TEAD4: variants seen among roughly 807,000 people sequenced by gnomAD.
TEAD4 encodes transcriptional enhancer factor TEF-3.
Under a neutral mutation model 52.4 loss-of-function variants are expected in TEAD4, and 36 were observed. The observed-to-expected ratio is 0.69, with a 90% CI of 0.53 to 0.91. The LOEUF (loss-of-function observed/expected upper bound fraction) is 0.91. Among genes scored for constraint, TEAD4 ranks in the 40% least tolerant of loss-of-function variants. The pLI is 0.00. For missense variants in TEAD4, 508 were observed against 583.9 expected, an observed-to-expected ratio of 0.87 and a Z score of 1.34; for synonymous variants, 220 against 231.0, an observed-to-expected ratio of 0.95 and a Z score of 0.43.
chr12:2,974,023 T>G (rs1162688483), intron 2 of TEAD4, among the ~76,000 whole-genome samples: 2 of 152,168 alleles, frequency 1.3e-5, no homozygotes, highest in Admixed American at 6.5e-5. Flanking sequence ...TTTTCTTTTT[T>G]CTGAGACGGA....
chr12:3,039,734 C>T (rs2098281525), intron 11 of TEAD4, among the ~76,000 whole-genome samples: 1 of 152,222 alleles, frequency 6.6e-6, no homozygotes, highest in African/African-American at 2.4e-5. Flanking sequence ...GTCGCCCAGG[C>T]TGGAATGCAG....
In TEAD4 at chr12:3,021,422, C is replaced by T. The variant is rs569191568; in HGVS notation, c.724-422C>T. Among the ~76,000 whole-genome samples the T allele has an allele frequency of 3.9e-5, 6 of 152,036 alleles. No individual in the cohort carries two copies. The South Asian group carries it at 1.0e-3, about 26-fold the overall frequency. ...ACTTCCTGAGTTCAAGCGACTCTCC[C>T]GCCTTAGCCTCCGGAGTAGCTGGGA... On this transcript the variant is annotated intron_variant, in intron 9 of 12. Coordinates refer to ENST00000359864, the MANE Select transcript of TEAD4 (RefSeq NM_003213.4).
In TEAD4 at chr12:2,970,851, A is replaced by G. The variant is rs544995349; in HGVS notation, c.-30+10811A>G. On this transcript the variant is annotated intron_variant, in intron 2 of 12. Coordinates refer to ENST00000359864, the MANE Select transcript of TEAD4 (RefSeq NM_003213.4). ...CATCCTCGGAAATGCTCCGTCGTAA[A>G]TTGCATGACCTCATGTTGGAATGAG... 1.6e-3 allele frequency among the ~76,000 whole-genome samples: 246 copies of G among 152,330 alleles called. 1 individual carries two copies. Among genetic ancestry groups the G allele is most frequent in the African/African-American group, 5.7e-3 (235 of 41,570 alleles).
At chr12:2,996,179 C>T (rs1031300735) in intron 3 of TEAD4, among the ~76,000 whole-genome samples, 13 of 152,058 alleles carry the variant, frequency 8.5e-5, no homozygotes, top group African/African-American at 2.4e-4. Flanking sequence ...TCAGTGACAA[C>T]GGGGCCCCTG....
chr12:2,994,907 T>G lies in TEAD4; in HGVS notation c.141T>G (p.Ile47Met). 2 of 1,614,130 alleles carry G rather than the reference T, an allele frequency of 1.2e-6. No homozygotes were observed. Among genetic ancestry groups the G allele is most frequent in the South Asian group, 2.2e-5 (2 of 91,072 alleles). Residue 47 changes from isoleucine to methionine, a missense_variant, in exon 3 of 13, where the codon ATT becomes ATG. Physicochemically the swap from Ile to Met is conservative, Grantham distance 10. Coordinates refer to ENST00000359864, the MANE Select transcript of TEAD4 (RefSeq NM_003213.4). The surrounding 1 kb of genome is among the most constrained non-coding windows in gnomAD (Gnocchi z 4.7). The stretch of plus-strand genomic sequence containing the variant: ...CAGAGGGCGTGTGGAGCCCGGATAT[T>G]GAGCAGAGTTTCCAGGAGGCCCTCG...
intron 10 of TEAD4, among the ~76,000 whole-genome samples, chr12:3,035,844 AG>A (rs2098279095): frequency 2.7e-5 from 4 of 150,834 alleles, no homozygotes; most frequent in Admixed American, 6.6e-5. Flanking sequence ...AAAAAGAAGA[AG>A]AAGAAGAAAA....
rs1160457589 is a variant in TEAD4, at chr12:3,020,530, C to T, written c.584-104C>T. The T allele has an allele frequency of 7.4e-6, 10 of 1,349,968 alleles. No individual in the cohort carries two copies. The Admixed American group carries it at 2.6e-4, about 35-fold the overall frequency. The allele number at this position is 1,349,968 out of a possible 1,614,324, so 83.6% of individuals were successfully genotyped here. A position where few individuals can be genotyped will look rare whatever the true frequency, so the allele number is the denominator to read the frequency against. ...CATTTAGGGAGACAGGCGGTCCCCC[C>T]AGGCAGCACGGGTCTGTCCGAGGAG... is the stretch of plus-strand genomic sequence containing the variant. On this transcript the variant is annotated intron_variant, in intron 8 of 12. Coordinates refer to ENST00000359864, the MANE Select transcript of TEAD4 (RefSeq NM_003213.4).
chr12:3,034,505 A>G (rs557532140), intron 10 of TEAD4, among the ~76,000 whole-genome samples: 1 of 152,218 alleles, frequency 6.6e-6, no homozygotes, highest in East Asian at 1.9e-4. Flanking sequence ...GGGATCTGCC[A>G]ATTGCTCCTG....
At chr12:3,036,592 G>A (rs1448687061) in intron 10 of TEAD4, among the ~76,000 whole-genome samples, 3 of 152,198 alleles carry the variant, frequency 2.0e-5, no homozygotes, top group African/African-American at 7.2e-5. Context: ...TACTGCATTC[G>A]TAGGGCTGCG....
intron 10 of TEAD4, among the ~76,000 whole-genome samples, chr12:3,027,049 G>A (rs2098272524): frequency 1.3e-5 from 2 of 152,136 alleles, no homozygotes; most frequent in South Asian, 4.1e-4. Context: ...TTGGAGTGCA[G>A]TGGTGTGATC....
In TEAD4 at chr12:2,995,055, C is replaced by T. The variant is rs865854528; in HGVS notation, c.226+63C>T. The T allele has an allele frequency of 9.0e-6, 14 of 1,555,628 alleles. No homozygotes were observed. In the Middle Eastern group the frequency reaches 1.2e-3, roughly 135 times the overall value. ...TGAGGCAAGGGGCCGACACCAGAAC[C>T]TTGGGGTTCCTGCCGGGCCACAGAA... On this transcript the variant is annotated intron_variant, in intron 3 of 12. Transcript: ENST00000359864.
Position 3,019,880 on chromosome 12 carries a change from C to T in TEAD4, c.583+710C>T, listed in dbSNP as rs948520552. ...AAAACAAAGTCACAGCGTCAGGTCC[C>T]GTCCACCCTCTGTCTCATGCCAGTC... On this transcript the variant is annotated intron_variant, in intron 8 of 12. Coordinates refer to ENST00000359864, the MANE Select transcript of TEAD4 (RefSeq NM_003213.4). Among the ~76,000 whole-genome samples, 69 of 152,270 alleles carry T rather than the reference C, an allele frequency of 4.5e-4. 1 individual carries two copies. The highest frequency in any genetic ancestry group is 3.9e-4 in the East Asian group (2 of 5,170).
At chr12:2,962,130 T>C (rs1408527887) in intron 2 of TEAD4, among the ~76,000 whole-genome samples, 1 of 150,320 alleles carries the variant, frequency 6.7e-6, no homozygotes, top group Non-Finnish European at 1.5e-5. Context: ...TTTATTTTAT[T>C]TTATTTATTT....
chr12:3,001,103 G>C (rs956466577), intron 3 of TEAD4, among the ~76,000 whole-genome samples: 1 of 152,192 alleles, frequency 6.6e-6, no homozygotes, highest in African/African-American at 2.4e-5. Flanking sequence ...AATCTACTCT[G>C]TCCCTGAGAG....
intron 2 of TEAD4, among the ~76,000 whole-genome samples, chr12:2,964,229 C>T (rs990559751): frequency 5.9e-5 from 9 of 152,200 alleles, no homozygotes; most frequent in Admixed American, 2.6e-4. Context: ...GTGCCACGCT[C>T]GCCCCTGCCA....
chr12:2,960,546 G>C (rs1303750015), intron 2 of TEAD4, among the ~76,000 whole-genome samples: 1 of 152,118 alleles, frequency 6.6e-6, no homozygotes, highest in South Asian at 2.1e-4. Context: ...GAGGCCCCGC[G>C]GACTGACTGC....
Position 3,040,443 on chromosome 12 carries a change from G to A in TEAD4, c.1270G>A (p.Ala424Thr). The A allele has an allele frequency of 6.2e-7, 1 of 1,614,118 alleles. No individual in the cohort carries two copies. The highest frequency in any genetic ancestry group is 1.1e-5 in the South Asian group (1 of 91,080). The stretch of plus-strand genomic sequence containing the variant: ...TGAGGTGTCAGCCAGTGAGCACGGG[G>A]CTCAGCACCACATCTACAGGCTGGT... Residue 424 changes from alanine (A) to threonine (T), a missense_variant, in exon 13 of 13, where the codon GCT (alanine) becomes ACT (threonine). Physicochemically the swap from Ala to Thr is moderately conservative, Grantham distance 58. Coordinates refer to ENST00000359864, the MANE Select transcript of TEAD4 (RefSeq NM_003213.4).
intron 3 of TEAD4, among the ~76,000 whole-genome samples, chr12:3,008,804 T>A (rs902852089): frequency 7.2e-5 from 11 of 152,102 alleles, no homozygotes; most frequent in Non-Finnish European, 1.5e-4. Context: ...CATGGATAAC[T>A]GATGAGCACA....
At chr12:2,969,119 G>T (rs1332860051) in intron 2 of TEAD4, among the ~76,000 whole-genome samples, 1 of 152,230 alleles carries the variant, frequency 6.6e-6, no homozygotes, top group Non-Finnish European at 1.5e-5. Flanking sequence ...CATAAAACTA[G>T]TGGGCCCTCT....
Sources: allele counts gnomAD v4.1 joint callset (sites outside exome capture counted in the v4.1 genomes callset), GRCh38; gene constraint gnomAD v4.1.1; non-coding constraint Gnocchi (gnomAD v3.1); transcripts MANE v1.5; gene names NCBI Gene and HGNC (gene_info 2026-07-23, HGNC 2026-07-21).